The following XYLT1 variants were observed in gnomAD, a reference collection of about 807,000 sequenced individuals.
XYLT1 encodes the protein xylosyltransferase 1.
In XYLT1, 36 loss-of-function variants were observed where a neutral mutation model predicts 91.3. The observed-to-expected ratio is 0.39, with a 90% CI of 0.30 to 0.52. The LOEUF (loss-of-function observed/expected upper bound fraction) is 0.52, where lower values mean the gene tolerates loss of function less well. Among genes scored for constraint, XYLT1 ranks in the 20% least tolerant of loss-of-function variants. The probability of loss-of-function intolerance (pLI) is 0.68; values close to 1 mark genes in which losing one functional copy is unlikely to be tolerated. For missense variants in XYLT1, 1,242 were observed against 1,284.5 expected (o/e 0.97, Z 0.51); for synonymous variants, 588 against 532.0 (o/e 1.11, Z -1.45).
chr16:17,408,705 G>A (rs1286739752), intron 1 of XYLT1, among the ~76,000 whole-genome samples: 1 of 152,180 alleles, frequency 6.6e-6, no homozygotes, highest in Non-Finnish European at 1.5e-5. Flanking sequence ...AATTAGCTGG[G>A]CGTGCTGGCA....
chr16:17,216,307 G>A (rs12598195), intron 3 of XYLT1, among the ~76,000 whole-genome samples: 119,955 of 152,112 alleles, frequency 0.79, 47,776 homozygotes, highest in East Asian at 1. Flanking sequence ...TTCTCAGAGG[G>A]AGGGTTTTGA....
At chr16:17,231,692 C>T (rs1490007674) in intron 3 of XYLT1, among the ~76,000 whole-genome samples, 1 of 152,114 alleles carries the variant, frequency 6.6e-6, no homozygotes, top group Admixed American at 6.5e-5. Context: ...GTACTCAATA[C>T]TGTAGGCAAC....
At chr16:17,204,071 T>C (rs1206073698) in intron 3 of XYLT1, among the ~76,000 whole-genome samples, 1 of 152,010 alleles carries the variant, frequency 6.6e-6, no homozygotes, top group Non-Finnish European at 1.5e-5. Context: ...ACACAGTGAG[T>C]GAGGACAGAG....
intron 3 of XYLT1, among the ~76,000 whole-genome samples, chr16:17,238,695 T>C (rs189806216): frequency 1.3e-5 from 2 of 152,366 alleles, no homozygotes; most frequent in Admixed American, 1.3e-4. Flanking sequence ...TTCTTATTGC[T>C]AATTAAACTT....
chr16:17,286,181 T>C (rs571070670), intron 2 of XYLT1, among the ~76,000 whole-genome samples: 1 of 152,210 alleles, frequency 6.6e-6, no homozygotes, highest in East Asian at 1.9e-4. Context: ...GCACTAGTAA[T>C]TGGTAGGACT....
At chr16:17,287,304 C>T (rs185569761) in intron 2 of XYLT1, among the ~76,000 whole-genome samples, 81 of 152,126 alleles carry the variant, frequency 5.3e-4, no homozygotes, top group Admixed American at 1.9e-3. Flanking sequence ...GCTCAATTAA[C>T]GCTCAGTGCA....
intron 5 of XYLT1, among the ~76,000 whole-genome samples, chr16:17,183,766 A>G (rs973554611): frequency 1.9e-4 from 29 of 152,320 alleles, no homozygotes; most frequent in African/African-American, 6.5e-4. Flanking sequence ...AGTGGCTACT[A>G]TTGACCATGC....
chr16:17,112,060 T>A (rs540554885), intron 11 of XYLT1, among the ~76,000 whole-genome samples: 2 of 152,216 alleles, frequency 1.3e-5, no homozygotes, highest in South Asian at 4.2e-4. Flanking sequence ...AGGCAGGACA[T>A]TCAAAGGGAA....
chr16:17,289,198 T>C (rs2034186709), intron 2 of XYLT1, among the ~76,000 whole-genome samples: 2 of 152,226 alleles, frequency 1.3e-5, no homozygotes, highest in Admixed American at 1.3e-4. Context: ...ATAGGGCGTA[T>C]GTAAATGAAT....
Position 17,138,226 on chromosome 16 carries a change from TATTA to T in XYLT1, c.1764+125_1764+128del, listed in dbSNP as rs67611747. 0.96 allele frequency: 1,047,154 copies of T among 1,088,258 alleles called. 504,302 individuals carry two copies. The highest frequency in any genetic ancestry group is 0.99 in the African/African-American group (63,566 of 63,906). 67.4% of individuals were successfully genotyped at this position (1,088,258 alleles called of 1,614,324 possible). ...GGCTATTGTTGATACTGTTAACTAT[TATTA>T]ATTATCAACAGCCAGGTTTGGGCAC... On this transcript the variant is annotated intron_variant, in intron 8 of 11. Coordinates refer to ENST00000261381, the MANE Select transcript of XYLT1 (RefSeq NM_022166.4).
intron 1 of XYLT1, among the ~76,000 whole-genome samples, chr16:17,374,728 C>T (rs1227112350): frequency 6.6e-6 from 1 of 151,236 alleles, no homozygotes; most frequent in East Asian, 1.9e-4. Flanking sequence ...CAAAAAAAAT[C>T]AATCTAGGTT....
At chr16:17,379,763 T>TCTCTCTCTCTCACACACA (rs373354877) in intron 1 of XYLT1, among the ~76,000 whole-genome samples, 2 of 125,546 alleles carry the variant, frequency 1.6e-5, no homozygotes, top group African/African-American at 6.3e-5. Context: ...TCTCTCTCTC[T>TCTCTCTCTCTCACACACA]CACACACACA....
At chr16:17,110,265 C>T (rs1467125975) in intron 11 of XYLT1, among the ~76,000 whole-genome samples, 2 of 152,286 alleles carry the variant, frequency 1.3e-5, no homozygotes, top group East Asian at 3.9e-4. Context: ...CTGGGAAAAG[C>T]TTAGCTAGTG....
intron 1 of XYLT1, among the ~76,000 whole-genome samples, chr16:17,366,656 C>T (rs111433397): frequency 0.012 from 1,808 of 152,310 alleles, 38 homozygotes; most frequent in African/African-American, 0.041. Flanking sequence ...GATAGTGCCA[C>T]TGCACTCCAG....
chr16:17,414,055 G>A (rs922709495), intron 1 of XYLT1, among the ~76,000 whole-genome samples: 1 of 152,124 alleles, frequency 6.6e-6, no homozygotes, highest in Non-Finnish European at 1.5e-5. Context: ...GGGAACCCCA[G>A]TAAAGGTTCT....
Position 17,104,722 on chromosome 16 carries a change from C to T in XYLT1, c.*3973G>A, listed in dbSNP as rs1966751403. ...CATTAAATCTGGATTTCCGGCTTCC[C>T]TTCCAAATTGGAAGATTCCACTACA... On this transcript the variant is annotated 3_prime_UTR_variant, in exon 12 of 12. Transcript: ENST00000261381. 6.6e-6 allele frequency: 1 copy of T among 152,194 alleles called. No homozygotes were observed. Among genetic ancestry groups the T allele is most frequent in the African/African-American group, 2.4e-5 (1 of 41,448 alleles). 9.4% of individuals were successfully genotyped at this position (152,194 alleles called of 1,614,324 possible).
At chr16:17,173,062 A>AAAC (rs1464491610) in intron 5 of XYLT1, among the ~76,000 whole-genome samples, 3 of 150,504 alleles carry the variant, frequency 2.0e-5, no homozygotes, top group Non-Finnish European at 1.5e-5. Context: ...AACAAAAAAA[A>AAAC]CCAAATTAGT....
At position 17,296,040 on chromosome 16, in the gene XYLT1, C is replaced by CT. The variant is rs5815941; in HGVS notation, c.403-36543dup. Among the ~76,000 whole-genome samples, 400 of 145,968 alleles carry CT rather than the reference C, an allele frequency of 2.7e-3. 1 individual carries two copies. Among genetic ancestry groups the CT allele is most frequent in the Admixed American group, 9.1e-3 (133 of 14,690 alleles). On this transcript the variant is annotated intron_variant, in intron 2 of 11. Transcript: ENST00000261381. ...AGAGTAAGGAAGAAAGAAAAGACAC[C>CT]TTTTTTTTTTTTTTCTCCCTGCGCC...
intron 5 of XYLT1, among the ~76,000 whole-genome samples, chr16:17,171,628 G>A (rs1157767232): frequency 6.6e-6 from 1 of 152,212 alleles, no homozygotes; most frequent in Non-Finnish European, 1.5e-5. Flanking sequence ...AGGCCTTGAA[G>A]TAACTTGACA....
Sources: allele counts gnomAD v4.1 joint callset (sites outside exome capture counted in the v4.1 genomes callset), GRCh38; gene constraint gnomAD v4.1.1; transcripts MANE v1.5; gene names NCBI Gene and HGNC (gene_info 2026-07-23, HGNC 2026-07-21).